CADPS2: variants seen among roughly 807,000 people sequenced by gnomAD.
The protein encoded by CADPS2 is calcium-dependent secretion activator 2.
In CADPS2, 93 loss-of-function variants were observed where a neutral mutation model predicts 172.5. The observed-to-expected ratio is 0.54, with a 90% CI of 0.46 to 0.64. The LOEUF is 0.64. Among genes scored for constraint, CADPS2 ranks in the 30% least tolerant of loss-of-function variants. CADPS2 has a pLI of 0.00. For synonymous variants in CADPS2, 546 were observed against 555.2 expected (o/e 0.98, Z 0.23); for missense variants, 1,420 against 1,565.9 (o/e 0.91, Z 1.57).
chr7:122,534,840 TAAGAA>T (rs2062089341), intron 8 of CADPS2, among the ~76,000 whole-genome samples: 1 of 152,116 alleles, frequency 6.6e-6, no homozygotes, highest in African/African-American at 2.4e-5. Context: ...CCTTAGCCAC[TAAGAA>T]AAGAAGCAAA....
chr7:122,681,323 G>C, intron 2 of CADPS2: 5 of 1,330,178 alleles, frequency 3.8e-6, no homozygotes, highest in Non-Finnish European at 5.3e-6. Flanking sequence ...AGATGACAAA[G>C]AAAAGAAGGA....
At position 122,480,850 on chromosome 7, in the gene CADPS2, A is replaced by G. The variant is rs1343152695; in HGVS notation, c.1861+2T>C. ...AATTTTAAAAATCATGAAAATACTT[A>G]CCTTTACCAGCTACAGGTCAGCAAA... On this transcript the variant is annotated splice_donor_variant, in intron 12 of 29. Coordinates refer to ENST00000449022, the MANE Select transcript of CADPS2 (RefSeq NM_017954.11). LOFTEE classifies it high-confidence loss of function. The G allele has an allele frequency of 1.1e-5, 17 of 1,519,270 alleles. No individual in the cohort carries two copies. The highest frequency in any genetic ancestry group is 1.4e-5 in the Non-Finnish European group (16 of 1,136,400). 94.1% of individuals were successfully genotyped at this position (1,519,270 alleles called of 1,614,324 possible). A position where few individuals can be genotyped will look rare whatever the true frequency, so the allele number is the denominator to read the frequency against.
At chr7:122,735,040 T>G (rs1479961865) in intron 2 of CADPS2, among the ~76,000 whole-genome samples, 1 of 152,238 alleles carries the variant, frequency 6.6e-6, no homozygotes, top group Non-Finnish European at 1.5e-5. Flanking sequence ...AAGAGAATCA[T>G]CTGGAAAGCT....
intron 1 of CADPS2, among the ~76,000 whole-genome samples, chr7:122,765,052 C>T (rs2093504360): frequency 6.6e-6 from 1 of 152,180 alleles, no homozygotes; most frequent in Admixed American, 6.5e-5. Flanking sequence ...CCCTGATTCA[C>T]TCTCTCATGA....
At chr7:122,780,474 C>A (rs1441383233) in intron 1 of CADPS2, among the ~76,000 whole-genome samples, 2 of 152,080 alleles carry the variant, frequency 1.3e-5, no homozygotes, top group Non-Finnish European at 2.9e-5. Flanking sequence ...TTAGACTATA[C>A]ATCTAATATT....
chr7:122,663,413 T>C lies in CADPS2; in HGVS notation c.610A>G (p.Ile204Val). The C allele has an allele frequency of 6.2e-7, 1 of 1,613,968 alleles. No homozygotes were observed. The change falls in exon 3 of 30, where the codon ATA (isoleucine) becomes GTA (valine). Residue 204 changes from isoleucine (I) to valine (V), a missense_variant. By Grantham distance (29) the Ile-to-Val change is conservative. Coordinates refer to ENST00000449022, the MANE Select transcript of CADPS2 (RefSeq NM_017954.11). The part of the protein sequence containing the change: ...LSKETVLSSW[I>V]AKYDAIYRGE... Reference sequence around the variant, plus strand: ...CTGTAAATGGCATCATATTTGGCTATCCATGAGCTCAACACTGTCTCTTTG... The same window carrying C: ...CTGTAAATGGCATCATATTTGGCTACCCATGAGCTCAACACTGTCTCTTTG...
chr7:122,872,844 T>A (rs911279616), intron 1 of CADPS2, among the ~76,000 whole-genome samples: 2 of 152,090 alleles, frequency 1.3e-5, no homozygotes, highest in African/African-American at 4.8e-5. Flanking sequence ...CTTTGTAAAC[T>A]AAAGTTAAAA....
chr7:122,384,237 T>A (rs2043352961), intron 24 of CADPS2, among the ~76,000 whole-genome samples: 1 of 152,134 alleles, frequency 6.6e-6, no homozygotes, highest in African/African-American at 2.4e-5. Flanking sequence ...AACAGGATCA[T>A]AATTTAGAAG....
chr7:122,407,504 C>T (rs1349096120), intron 20 of CADPS2, 36 bp downstream of exon 20: 1 of 1,594,018 alleles, frequency 6.3e-7, no homozygotes. Flanking sequence ...CCCACCCCTC[C>T]CCATTTCACA....
At chr7:122,534,768 T>G (rs73433734) in intron 8 of CADPS2, among the ~76,000 whole-genome samples, 9,754 of 152,204 alleles carry the variant, frequency 0.064, 385 homozygotes, top group Middle Eastern at 0.12. Context: ...AGTGCATTTT[T>G]AATTCCTTTC....
At chr7:122,797,502 G>T (rs1233932408) in intron 1 of CADPS2, among the ~76,000 whole-genome samples, 1 of 152,116 alleles carries the variant, frequency 6.6e-6, no homozygotes, top group Non-Finnish European at 1.5e-5. Flanking sequence ...ATACCCCATG[G>T]AACAGTATGC....
chr7:122,475,162 T>C (rs2056481449), intron 12 of CADPS2, among the ~76,000 whole-genome samples: 1 of 152,210 alleles, frequency 6.6e-6, no homozygotes, highest in East Asian at 1.9e-4. Flanking sequence ...TTTCAACGCC[T>C]GTAGACCCTG....
At chr7:122,820,286 A>C (rs1802758989) in intron 1 of CADPS2, among the ~76,000 whole-genome samples, 1 of 152,132 alleles carries the variant, frequency 6.6e-6, no homozygotes, top group Non-Finnish European at 1.5e-5. Context: ...GCACTGCCAC[A>C]AAGCTTCACA....
intron 20 of CADPS2, among the ~76,000 whole-genome samples, chr7:122,400,708 C>A (rs1348454910): frequency 2.0e-5 from 3 of 152,176 alleles, no homozygotes; most frequent in Admixed American, 2.0e-4. Context: ...CTGGCATGCA[C>A]AGATTTGCTG....
chr7:122,448,051 T>A (rs2052536347), intron 15 of CADPS2, among the ~76,000 whole-genome samples: 1 of 152,216 alleles, frequency 6.6e-6, no homozygotes, highest in African/African-American at 2.4e-5. Flanking sequence ...ATGAAGTTAC[T>A]GTTTTCCAGA....
chr7:122,379,697 T>C (rs896385872), intron 24 of CADPS2, among the ~76,000 whole-genome samples: 1 of 152,162 alleles, frequency 6.6e-6, no homozygotes, highest in Non-Finnish European at 1.5e-5. Context: ...TGAGTTCTTA[T>C]TCTTATTCAG....
intron 1 of CADPS2, among the ~76,000 whole-genome samples, chr7:122,775,212 G>C (rs1249306238): frequency 6.6e-6 from 1 of 152,198 alleles, no homozygotes; most frequent in Non-Finnish European, 1.5e-5. Flanking sequence ...AAGAGTCTAA[G>C]AGTCTAAGCC....
intron 6 of CADPS2, among the ~76,000 whole-genome samples, chr7:122,612,389 T>G (rs894252236): frequency 3.3e-5 from 5 of 151,814 alleles, no homozygotes; most frequent in Admixed American, 2.6e-4. Context: ...ATAATTATAT[T>G]TCTAATAACT....
intron 6 of CADPS2, among the ~76,000 whole-genome samples, chr7:122,601,503 C>T (rs1156538794): frequency 1.3e-5 from 2 of 151,752 alleles, no homozygotes; most frequent in Non-Finnish European, 2.9e-5. Context: ...TTTAGCCACA[C>T]TTCACCACCA....
Sources: gnomAD v4.1 joint callset for allele counts (sites outside exome capture counted in the v4.1 genomes callset) on GRCh38, gnomAD v4.1.1 for gene constraint, MANE v1.5 for transcripts, NCBI Gene and HGNC (gene_info 2026-07-23, HGNC 2026-07-21) for gene names.